Variants in WDR7 observed in about 807,000 individuals in gnomAD.
The protein encoded by WDR7 is WD repeat-containing protein 7.
A neutral mutation model predicts 169.4 loss-of-function variants in WDR7; 46 were observed. That is an observed-to-expected ratio of 0.27 (90% CI 0.21 to 0.35). WDR7 has a LOEUF of 0.35. WDR7 is among the 10% of genes least tolerant of loss of function. WDR7 has a pLI of 1.00. For synonymous variants in WDR7, 612 were observed against 666.8 expected, an observed-to-expected ratio of 0.92 and a Z score of 1.27; for missense variants, 1,534 against 1,859.3, an observed-to-expected ratio of 0.83 and a Z score of 3.22.
At chr18:56,893,862 C>T (rs1308911102) in intron 21 of WDR7, among the ~76,000 whole-genome samples, 1 of 152,018 alleles carries the variant, frequency 6.6e-6, no homozygotes, top group African/African-American at 2.4e-5. Flanking sequence ...CACATTGTAT[C>T]TGCAAAAATA....
chr18:56,799,097 C>T (rs942730558), intron 19 of WDR7, among the ~76,000 whole-genome samples: 23 of 152,194 alleles, frequency 1.5e-4, no homozygotes, highest in African/African-American at 5.1e-4. Context: ...GGCAGGTAAT[C>T]AAATGAACAA....
intron 21 of WDR7, among the ~76,000 whole-genome samples, chr18:56,915,215 G>T (rs2046609019): frequency 6.6e-6 from 1 of 151,986 alleles, no homozygotes; most frequent in Admixed American, 6.6e-5. Flanking sequence ...ATAAATAATG[G>T]GTACCTTGGA....
At chr18:56,661,610 A>G (rs1050145231) in intron 1 of WDR7, among the ~76,000 whole-genome samples, 1 of 152,192 alleles carries the variant, frequency 6.6e-6, no homozygotes, top group Non-Finnish European at 1.5e-5. Flanking sequence ...AAGCAGTCCT[A>G]AAGTGTCAGG....
chr18:56,773,196 T>C (rs1393285788), intron 16 of WDR7, among the ~76,000 whole-genome samples: 2 of 152,132 alleles, frequency 1.3e-5, no homozygotes, highest in Non-Finnish European at 2.9e-5. Context: ...GTTCCTGAAA[T>C]AGAAATAGGG....
chr18:56,782,470 A>C (rs905453657), intron 19 of WDR7, among the ~76,000 whole-genome samples: 1 of 152,096 alleles, frequency 6.6e-6, no homozygotes, highest in Non-Finnish European at 1.5e-5. Flanking sequence ...ATTGATTAAA[A>C]AATTTTACCC....
chr18:57,033,706 A>T, downstream of WDR7: 1 of 125,090 alleles, frequency 8.0e-6, no homozygotes, highest in Non-Finnish European at 1.7e-5. Context: ...CCCAAATCCC[A>T]CTGCAGAACC....
intron 12 of WDR7, among the ~76,000 whole-genome samples, chr18:56,710,543 G>A (rs1297238303): frequency 2.0e-5 from 3 of 151,994 alleles, no homozygotes; most frequent in Non-Finnish European, 4.4e-5. Flanking sequence ...ATCTTCTACT[G>A]TAAATAATAC....
chr18:56,969,192 A>G (rs1599204222), intron 26 of WDR7, among the ~76,000 whole-genome samples: 1 of 152,152 alleles, frequency 6.6e-6, no homozygotes, highest in African/African-American at 2.4e-5. Flanking sequence ...TTTTCCTGTA[A>G]CTGGCATAAT....
intron 20 of WDR7, among the ~76,000 whole-genome samples, chr18:56,831,919 G>A (rs539443631): frequency 2.6e-5 from 4 of 152,200 alleles, no homozygotes; most frequent in African/African-American, 7.2e-5. Context: ...CTGTTTGCGC[G>A]GACACCAAGC....
chr18:56,897,953 A>G (rs998279816), intron 21 of WDR7, among the ~76,000 whole-genome samples: 1 of 151,970 alleles, frequency 6.6e-6, no homozygotes, highest in African/African-American at 2.4e-5. Flanking sequence ...GAGAGGGTCC[A>G]GGAGCAATGA....
chr18:56,928,532 G>C (rs557597885), intron 22 of WDR7, among the ~76,000 whole-genome samples: 3 of 152,292 alleles, frequency 2.0e-5, no homozygotes, highest in African/African-American at 7.2e-5. Flanking sequence ...ATTAGGGTCA[G>C]ATAAAGAATT....
At chr18:56,989,095 A>C in intron 26 of WDR7, among the ~76,000 whole-genome samples, 1 of 152,044 alleles carries the variant, frequency 6.6e-6, no homozygotes, top group East Asian at 1.9e-4. Flanking sequence ...AAAAAAAAAA[A>C]AATGGTGAGA....
intron 21 of WDR7, among the ~76,000 whole-genome samples, chr18:56,901,839 G>A (rs1414060761): frequency 1.3e-5 from 2 of 152,032 alleles, no homozygotes; most frequent in Non-Finnish European, 2.9e-5. Flanking sequence ...ATGTTGGAGT[G>A]CCATCCATTT....
intron 20 of WDR7, among the ~76,000 whole-genome samples, chr18:56,826,123 A>C (rs2045199347): frequency 6.6e-6 from 1 of 152,250 alleles, no homozygotes; most frequent in Admixed American, 6.5e-5. Context: ...GGATGAACTT[A>C]AAGTCTGGCC....
At chr18:56,919,661 G>A (rs1599158140) in intron 21 of WDR7, among the ~76,000 whole-genome samples, 1 of 152,010 alleles carries the variant, frequency 6.6e-6, no homozygotes, top group African/African-American at 2.4e-5. Flanking sequence ...CATTGTTGGG[G>A]CCACAGAGAC....
chr18:56,688,028 G>C (rs2025478772), intron 7 of WDR7, among the ~76,000 whole-genome samples: 2 of 152,198 alleles, frequency 1.3e-5, no homozygotes, highest in South Asian at 4.1e-4. Context: ...CTGGGGCCCT[G>C]TTAGAGACTG....
intron 11 of WDR7, among the ~76,000 whole-genome samples, 196 bp downstream of exon 11, chr18:56,695,394 CTG>C (rs1242862334): frequency 2.6e-5 from 4 of 152,056 alleles, no homozygotes; most frequent in Admixed American, 2.0e-4. Context: ...AATGTAATGA[CTG>C]TAAATAAAGA....
At chr18:56,993,699 A>T (rs77797350) in intron 26 of WDR7, among the ~76,000 whole-genome samples, 39,680 of 151,854 alleles carry the variant, frequency 0.26, 5,990 homozygotes, top group Non-Finnish European at 0.34. Context: ...TCTAGGGAAG[A>T]TGGTGGGATG....
Position 56,696,141 on chromosome 18 carries a change from A to G in WDR7, c.1358-101A>G, listed in dbSNP as rs570069118. 1.3e-5 allele frequency: 13 copies of G among 979,990 alleles called. No homozygotes were observed. The African/African-American group carries it at 1.6e-4, about 12-fold the overall frequency. The allele number at this position is 979,990 out of a possible 1,614,324, so 60.7% of individuals were successfully genotyped here. A position where few individuals can be genotyped will look rare whatever the true frequency, so the allele number is the denominator to read the frequency against. ...GATAAAATTGGAAGCCTTTGCTGTGATATAATTTGTAGCTATTCTAAACAT... is the reference window on the plus strand; with the variant it reads ...GATAAAATTGGAAGCCTTTGCTGTGGTATAATTTGTAGCTATTCTAAACAT... On this transcript the variant is annotated intron_variant, in intron 11 of 27. Coordinates refer to ENST00000254442, the MANE Select transcript of WDR7 (RefSeq NM_015285.3).
Sources: allele counts gnomAD v4.1 joint callset (sites outside exome capture counted in the v4.1 genomes callset), GRCh38; gene constraint gnomAD v4.1.1; transcripts MANE v1.5; gene names NCBI Gene and HGNC (gene_info 2026-07-23, HGNC 2026-07-21).